The following CCNH variants were observed in gnomAD, a reference collection of about 807,000 sequenced individuals.
CCNH encodes the protein cyclin H.
CCNH carries 31 observed loss-of-function variants against 41.9 expected under a neutral mutation model. The observed-to-expected ratio is 0.74, with a 90% confidence interval of 0.56 to 1.00. CCNH has a LOEUF of 1.00. Among genes scored for constraint, CCNH ranks in the 50% least tolerant of loss-of-function variants. The pLI is 0.00. For synonymous variants in CCNH, 138 were observed against 136.1 expected, an observed-to-expected ratio of 1.01 and a Z score of -0.10; for missense variants, 362 against 388.4, an observed-to-expected ratio of 0.93 and a Z score of 0.57.
downstream of CCNH, chr5:87,391,016 A>G: frequency 1.1e-6 from 1 of 896,260 alleles, no homozygotes; most frequent in Admixed American, 2.0e-5. Flanking sequence ...AGCTATGCAA[A>G]CAAAATCCAA....
intron 9 of CCNH, among the ~76,000 whole-genome samples, chr5:87,337,107 C>G (rs1254030056): frequency 6.6e-6 from 1 of 151,942 alleles, no homozygotes; most frequent in African/African-American, 2.4e-5. Context: ...GTTATAGATA[C>G]AGGGTTAATG....
chr5:87,330,997 C>T, intron 9 of CCNH: 1 of 1,410,566 alleles, frequency 7.1e-7, no homozygotes. Flanking sequence ...GTAAATTAAT[C>T]ATTTCCATTT....
chr5:87,397,316 C>T (rs200240036), intron 7 of CCNH, among the ~76,000 whole-genome samples: 2 of 151,984 alleles, frequency 1.3e-5, no homozygotes, highest in African/African-American at 2.4e-5. Flanking sequence ...CCCACCACCA[C>T]GTCCAGCTGA....
downstream of CCNH, chr5:87,392,166 A>G (rs1580425747): frequency 2.3e-6 from 1 of 427,966 alleles, no homozygotes; most frequent in Non-Finnish European, 4.7e-6. Flanking sequence ...TTGGTAATCA[A>G]AGTGAGTGAG....
At chr5:87,351,569 T>C (rs1250109764) in intron 9 of CCNH, among the ~76,000 whole-genome samples, 6 of 151,794 alleles carry the variant, frequency 4.0e-5, no homozygotes, top group Non-Finnish European at 5.9e-5. Context: ...GAAACTCACG[T>C]TTATTTCAAA....
chr5:87,412,751 C>T lies in CCNH; in HGVS notation c.44G>A (p.Ser15Asn), dbSNP rs757878059. ...SSQKRHWTFS[S>N]EEQLARLRAD... is the part of the protein sequence containing the mutation. ...CCGCAGTCTTGCCAGCTGCTCCTCG[C>T]TGGAGAAGGTCCAGTGCCGCTTCTG... Residue 15 changes from serine (S) to asparagine (N), a missense_variant, in exon 1 of 9, where the codon AGC becomes AAC. Coordinates refer to ENST00000256897, the MANE Select transcript of CCNH (RefSeq NM_001239.4). 1 of 1,614,224 alleles carries T rather than the reference C, an allele frequency of 6.2e-7. No homozygotes were observed. The highest frequency in any genetic ancestry group is 1.1e-5 in the South Asian group (1 of 91,078).
chr5:87,380,223 GTTAAC>G (rs758504363), upstream of CCNH, among the ~76,000 whole-genome samples: 1 of 152,136 alleles, frequency 6.6e-6, no homozygotes, highest in African/African-American at 2.4e-5. Flanking sequence ...TCAGGTAGAA[GTTAAC>G]TTAAGTCTAA....
intron 5 of CCNH, among the ~76,000 whole-genome samples, chr5:87,402,577 A>G (rs954865171): frequency 7.2e-5 from 11 of 152,178 alleles, no homozygotes; most frequent in African/African-American, 2.7e-4. Context: ...AAAAATAGAA[A>G]GCAATGCTTT....
intron 9 of CCNH, among the ~76,000 whole-genome samples, chr5:87,334,612 CAATG>C (rs1757833680): frequency 6.6e-6 from 1 of 152,164 alleles, no homozygotes; most frequent in Admixed American, 6.5e-5. Flanking sequence ...GGTACAAAAG[CAATG>C]GATGGTAAAA....
intron 9 of CCNH, among the ~76,000 whole-genome samples, chr5:87,343,762 C>G (rs1896693): frequency 6.6e-6 from 1 of 152,134 alleles, no homozygotes; most frequent in Non-Finnish European, 1.5e-5. Flanking sequence ...AAAGAGACAG[C>G]TGCACTCCTA....
At position 87,404,831 on chromosome 5, in the gene CCNH, AAC is replaced by A. The variant is rs1763667332; in HGVS notation, c.689+11_689+12del. ...TGACTGAATTTGACCTAAGTTAAAAAACTAATTAATACCTTTCCATAGTAATT... is the reference window on the plus strand; with the variant it reads ...TGACTGAATTTGACCTAAGTTAAAAATAATTAATACCTTTCCATAGTAATT... On this transcript the variant is annotated intron_variant, in intron 5 of 8. Coordinates refer to ENST00000256897, the MANE Select transcript of CCNH (RefSeq NM_001239.4). 2 of 1,581,456 alleles carry A rather than the reference AAC, an allele frequency of 1.3e-6. No homozygotes were observed. The highest frequency in any genetic ancestry group is 2.7e-5 in the African/African-American group (2 of 72,856).
upstream of CCNH, chr5:87,380,525 T>C (rs1241763444): frequency 6.2e-7 from 1 of 1,612,800 alleles, no homozygotes; most frequent in Non-Finnish European, 8.5e-7. Context: ...GAGATATATT[T>C]ATGGGTGTTT....
intron 7 of CCNH, among the ~76,000 whole-genome samples, chr5:87,395,538 A>G (rs1159103114): frequency 2.0e-5 from 3 of 152,190 alleles, no homozygotes; most frequent in African/African-American, 4.8e-5. Context: ...AATGTGTGAT[A>G]AGAAGTGTTT....
chr5:87,341,732 T>C (rs1012910528), intron 9 of CCNH, among the ~76,000 whole-genome samples: 3 of 152,162 alleles, frequency 2.0e-5, no homozygotes, highest in African/African-American at 7.2e-5. Context: ...TCTTTTTTTT[T>C]CATAATCTTC....
chr5:87,376,685 G>T, exon 1 of CCNH: 1 of 1,332,382 alleles, frequency 7.5e-7, no homozygotes, highest in South Asian at 1.3e-5. Flanking sequence ...TGATGCCAGA[G>T]ATTTTAAACC....
At chr5:87,338,723 G>C (rs1049973589) in intron 9 of CCNH, among the ~76,000 whole-genome samples, 16 of 150,558 alleles carry the variant, frequency 1.1e-4, no homozygotes, top group Non-Finnish European at 2.1e-4. Flanking sequence ...TTCCTCATAA[G>C]TGAAGTTATA....
chr5:87,390,350 G>GTT (rs1762409859), downstream of CCNH, among the ~76,000 whole-genome samples: 1 of 152,040 alleles, frequency 6.6e-6, no homozygotes, highest in Admixed American at 6.6e-5. Flanking sequence ...TTGTAGAAGG[G>GTT]ATTAAAGCAT....
chr5:87,396,305 T>C (rs1291236600), intron 7 of CCNH, among the ~76,000 whole-genome samples: 1 of 152,118 alleles, frequency 6.6e-6, no homozygotes, highest in Non-Finnish European at 1.5e-5. Context: ...TGACTGTATA[T>C]AGAATCTATA....
chr5:87,396,313 A>G (rs1422951452), intron 7 of CCNH, among the ~76,000 whole-genome samples: 5 of 152,164 alleles, frequency 3.3e-5, no homozygotes, highest in African/African-American at 1.2e-4. Context: ...TATAGAATCT[A>G]TAAAGCACTA....
Sources: gnomAD v4.1 joint callset for allele counts (sites outside exome capture counted in the v4.1 genomes callset) on GRCh38, gnomAD v4.1.1 for gene constraint, MANE v1.5 for transcripts, NCBI Gene and HGNC (gene_info 2026-07-23, HGNC 2026-07-21) for gene names.